DNM1L: variants seen among roughly 807,000 people sequenced by gnomAD.
The protein encoded by DNM1L is dynamin-1-like protein.
DNM1L carries 33 observed loss-of-function variants against 92.8 expected under a neutral mutation model. The ratio of observed to expected loss-of-function variants is 0.36; its 90% CI spans 0.27 to 0.48. The LOEUF (loss-of-function observed/expected upper bound fraction) is 0.48. Among genes scored for constraint, DNM1L ranks in the 20% least tolerant of loss-of-function variants. DNM1L has a pLI of 0.99. For missense variants in DNM1L, 485 were observed against 888.8 expected (o/e 0.55, Z 5.78); for synonymous variants, 284 against 305.0 (o/e 0.93, Z 0.72).
At chr12:32,706,355 G>A (rs1291043941) in intron 2 of DNM1L, among the ~76,000 whole-genome samples, 1 of 152,140 alleles carries the variant, frequency 6.6e-6, no homozygotes, top group African/African-American at 2.4e-5. Flanking sequence ...GACCTCAGGA[G>A]GCTGATATGC....
At position 32,725,170 on chromosome 12, in the gene DNM1L, T is replaced by C. The variant is rs1388044567; in HGVS notation, c.1079+2537T>C. On this transcript the variant is annotated intron_variant, in intron 9 of 19. Coordinates refer to ENST00000549701, the MANE Select transcript of DNM1L (RefSeq NM_012062.5). ...TTTCAATAATGTGGTAAAAACTGAG[T>C]ATAACCCTTAATTCAAGCTAGGCCT... 4 of 152,072 alleles carry C rather than the reference T, an allele frequency of 2.6e-5. No individual in the cohort carries two copies. The East Asian group carries it at 7.7e-4, about 29-fold the overall frequency. 9.4% of individuals were successfully genotyped at this position (152,072 alleles called of 1,614,324 possible).
chr12:32,733,694 CCTAA>C lies in DNM1L; in HGVS notation c.1447-18_1447-15del, dbSNP rs1345334585. The C allele has an allele frequency of 2.5e-6, 4 of 1,600,396 alleles. No homozygotes were observed. Among genetic ancestry groups the C allele is most frequent in the Non-Finnish European group, 3.4e-6 (4 of 1,167,996 alleles). On this transcript the variant is annotated splice_polypyrimidine_tract_variant and intron_variant, in intron 12 of 19. Transcript: ENST00000549701. ...ATGGTTGATGTATTTTTGTATATCGCCTAACTTACTTTTTTTCTAGGTCCATAAC... is the reference window on the plus strand; with the variant it reads ...ATGGTTGATGTATTTTTGTATATCGCCTTACTTTTTTTCTAGGTCCATAAC...
chr12:32,717,837 CTATA>C (rs1387907440), intron 6 of DNM1L, among the ~76,000 whole-genome samples: 1 of 103,010 alleles, frequency 9.7e-6, no homozygotes, highest in Non-Finnish European at 1.8e-5. Flanking sequence ...ATAGTATATA[CTATA>C]TATATTTTAT....
At chr12:32,735,596 G>A (rs1385268834) in intron 13 of DNM1L, among the ~76,000 whole-genome samples, 1 of 152,082 alleles carries the variant, frequency 6.6e-6, no homozygotes, top group Non-Finnish European at 1.5e-5. Context: ...AAACATCACT[G>A]TGGGCTGTGT....
chr12:32,706,625 T>C, intron 2 of DNM1L: 1 of 450,626 alleles, frequency 2.2e-6, no homozygotes. Flanking sequence ...GGCAACTCCT[T>C]ACGCTGCATA....
intron 16 of DNM1L, 136 bp downstream of exon 16, chr12:32,738,432 A>G (rs1168062457): frequency 2.1e-6 from 2 of 940,928 alleles, no homozygotes; most frequent in Non-Finnish European, 3.3e-6. Flanking sequence ...TGTTCCTTTT[A>G]TCTAACCTGT....
At chr12:32,701,607 T>C in intron 2 of DNM1L, 45 bp downstream of exon 2, 1 of 1,527,168 alleles carries the variant, frequency 6.5e-7, no homozygotes, top group African/African-American at 1.4e-5. Context: ...TCTTCATTTT[T>C]GATCTATTCT....
chr12:32,679,359 G>C lies in DNM1L; in HGVS notation c.-5G>C, dbSNP rs778486856. On this transcript the variant is annotated 5_prime_UTR_variant, in exon 1 of 20. Transcript: ENST00000549701. The stretch of plus-strand genomic sequence containing the variant: ...CGGGCACTGGGGCCCCGTGTTTTCA[G>C]AGTCATGGAGGCGCTAATTCCTGTC... 1.2e-6 allele frequency: 2 copies of C among 1,611,482 alleles called. No homozygotes were observed. Among genetic ancestry groups the C allele is most frequent in the Middle Eastern group, 1.7e-4 (1 of 6,054 alleles).
chr12:32,740,290 T>G, intron 17 of DNM1L, 50 bp downstream of exon 17: 1 of 1,613,246 alleles, frequency 6.2e-7, no homozygotes, highest in Non-Finnish European at 8.5e-7. Flanking sequence ...ACCAAGTTAG[T>G]AGGAAAACGA....
intron 1 of DNM1L, among the ~76,000 whole-genome samples, chr12:32,695,806 CAA>C (rs142953978): frequency 0.01 from 1,527 of 151,598 alleles, 32 homozygotes; most frequent in African/African-American, 0.034. Context: ...TGAAATGAAA[CAA>C]AATTTATTTT....
chr12:32,686,389 G>C (rs1952015596), intron 1 of DNM1L, among the ~76,000 whole-genome samples: 1 of 152,148 alleles, frequency 6.6e-6, no homozygotes, highest in African/African-American at 2.4e-5. Context: ...GTGTCATTTA[G>C]TGCATTCATA....
chr12:32,715,692 A>T (rs942238856), intron 6 of DNM1L, among the ~76,000 whole-genome samples: 1 of 152,142 alleles, frequency 6.6e-6, no homozygotes, highest in African/African-American at 2.4e-5. Flanking sequence ...AGATTGTGCC[A>T]CTGCATTTCA....
Position 32,743,356 on chromosome 12 carries a change from A to G in DNM1L, c.2157A>G (p.Ala719=), listed in dbSNP as rs555040961. ...RRKEAADMLK[A]LQGASQIIAE... is the part of the protein sequence containing the mutation. The stretch of plus-strand genomic sequence containing the variant: ...AAATTTTTTTTCCTTTAATGCAGGC[A>G]TTACAAGGAGCCAGTCAAATTATTG... The change falls in exon 20 of 20, where the codon GCA becomes GCG. Residue 719 remains alanine (A), a splice_region_variant and synonymous_variant. Coordinates refer to ENST00000549701, the MANE Select transcript of DNM1L (RefSeq NM_012062.5). 9.1e-5 allele frequency: 147 copies of G among 1,613,832 alleles called. No homozygotes were observed. Among genetic ancestry groups the G allele is most frequent in the Non-Finnish European group, 1.1e-4 (135 of 1,179,958 alleles).
chr12:32,737,736 C>G (rs71457656), intron 14 of DNM1L, 129 bp from the exon 15 acceptor site: 1 of 754,826 alleles, frequency 1.3e-6, no homozygotes, highest in South Asian at 1.5e-5. Context: ...AACAATCTCC[C>G]ATGATTATTT....
chr12:32,722,241 A>G (rs1353089019), intron 8 of DNM1L, among the ~76,000 whole-genome samples, 186 bp from the exon 9 acceptor site: 1 of 152,170 alleles, frequency 6.6e-6, no homozygotes, highest in Non-Finnish European at 1.5e-5. Context: ...ATGCTCTTGG[A>G]GAGTCCAAGG....
chr12:32,699,186 G>A (rs1952594796), intron 1 of DNM1L, among the ~76,000 whole-genome samples: 1 of 152,156 alleles, frequency 6.6e-6, no homozygotes, highest in South Asian at 2.1e-4. Flanking sequence ...GTGTGTACAT[G>A]TAAGGAGAGA....
At chr12:32,724,690 T>C (rs1288496429) in intron 9 of DNM1L, among the ~76,000 whole-genome samples, 1 of 145,966 alleles carries the variant, frequency 6.9e-6, no homozygotes, top group African/African-American at 2.5e-5. Flanking sequence ...TATAATAATA[T>C]ATATAGAAGC....
At chr12:32,698,857 A>G (rs1398737430) in intron 1 of DNM1L, among the ~76,000 whole-genome samples, 1 of 152,008 alleles carries the variant, frequency 6.6e-6, no homozygotes, top group African/African-American at 2.4e-5. Context: ...ATGTATGTTA[A>G]ATTTCCTGAA....
chr12:32,689,192 CTATTT>C (rs57074019), intron 1 of DNM1L, among the ~76,000 whole-genome samples: 16 of 151,744 alleles, frequency 1.1e-4, no homozygotes, highest in African/African-American at 3.6e-4. Context: ...TGTAGTTTAG[CTATTT>C]TATTTTATTT....
Sources: gnomAD v4.1 joint callset for allele counts (sites outside exome capture counted in the v4.1 genomes callset) on GRCh38, gnomAD v4.1.1 for gene constraint, MANE v1.5 for transcripts, NCBI Gene and HGNC (gene_info 2026-07-23, HGNC 2026-07-21) for gene names.